COL8A1: variants seen among roughly 807,000 people sequenced by gnomAD.
The protein encoded by COL8A1 is collagen alpha-1(VIII) chain.
A neutral mutation model predicts 42.7 loss-of-function variants in COL8A1; 21 were observed. The ratio of observed to expected loss-of-function variants is 0.49; its 90% CI spans 0.35 to 0.71. The LOEUF is 0.71. Ranked by LOEUF, COL8A1 falls within the 30% of genes least tolerant of loss-of-function variation. The pLI, the probability that COL8A1 is intolerant of heterozygous loss-of-function variation, is 0.01. For synonymous variants in COL8A1, 367 were observed against 369.1 expected, an observed-to-expected ratio of 0.99 and a Z score of 0.06; for missense variants, 788 against 962.4, an observed-to-expected ratio of 0.82 and a Z score of 2.40.
chr3:99,707,969 G>A (rs1242209274), intron 1 of COL8A1, among the ~76,000 whole-genome samples: 1 of 152,002 alleles, frequency 6.6e-6, no homozygotes, highest in South Asian at 2.1e-4. Flanking sequence ...AAATCACACA[G>A]CCACTAAGTG....
At chr3:99,779,704 C>T (rs538807408) in intron 2 of COL8A1, among the ~76,000 whole-genome samples, 5 of 152,162 alleles carry the variant, frequency 3.3e-5, no homozygotes, top group African/African-American at 2.4e-5. Context: ...CTGTCTTTAC[C>T]TTGCCTTTCT....
chr3:99,783,710 G>C (rs1268222750), intron 2 of COL8A1, among the ~76,000 whole-genome samples: 3 of 152,246 alleles, frequency 2.0e-5, no homozygotes, highest in Non-Finnish European at 4.4e-5. Flanking sequence ...TTCTTCACAA[G>C]GTAGCAGGAG....
intron 1 of COL8A1, among the ~76,000 whole-genome samples, chr3:99,662,809 T>C (rs1361056353): frequency 2.0e-5 from 3 of 152,106 alleles, no homozygotes; most frequent in South Asian, 2.1e-4. Flanking sequence ...ATCACCCCAA[T>C]CTCTGCCTTC....
chr3:99,711,478 A>T (rs992705663), intron 1 of COL8A1, among the ~76,000 whole-genome samples: 1 of 152,126 alleles, frequency 6.6e-6, no homozygotes, highest in African/African-American at 2.4e-5. Context: ...ATTCTTTTGC[A>T]CATCTGCAAA....
Position 99,794,826 on chromosome 3 carries a change from C to T in COL8A1, c.925C>T (p.Pro309Ser), listed in dbSNP as rs760565617. ...TATTGGGGTACCGGGGGTTCAAGGACCTCCTGGGATACCCGGAATTGGAAA... is the reference window on the plus strand; with the variant it reads ...TATTGGGGTACCGGGGGTTCAAGGATCTCCTGGGATACCCGGAATTGGAAA... ...GPIGVPGVQG[P>S]PGIPGIGKPG... Residue 309 changes from proline (P) to serine (S), a missense_variant, in exon 4 of 4, where the codon CCT becomes TCT. Physicochemically the swap from Pro to Ser is moderately conservative, Grantham distance 74 (BLOSUM62 -1). This residue lies in a region of COL8A1 where 421 missense variants were observed against 553.1 expected (regional missense o/e 0.76). Transcript: ENST00000652472. This position sits in a 1 kb window ranked among gnomAD's most constrained non-coding sequence, Gnocchi z 4.3. 1 of 1,612,140 alleles carries T rather than the reference C, an allele frequency of 6.2e-7. No homozygotes were observed. The highest frequency in any genetic ancestry group is 8.5e-7 in the Non-Finnish European group (1 of 1,179,088).
intron 1 of COL8A1, among the ~76,000 whole-genome samples, chr3:99,696,928 G>A (rs920230000): frequency 2.8e-5 from 4 of 141,274 alleles, no homozygotes; most frequent in Admixed American, 2.8e-4. Flanking sequence ...AAAATAACTT[G>A]TTGTAATTTA....
chr3:99,741,630 G>C (rs1940902116), intron 1 of COL8A1, among the ~76,000 whole-genome samples: 1 of 152,186 alleles, frequency 6.6e-6, no homozygotes, highest in African/African-American at 2.4e-5. Flanking sequence ...AGTGATAAAA[G>C]GAAGGCTGAG....
At chr3:99,659,295 G>A (rs1350293606) in intron 1 of COL8A1, among the ~76,000 whole-genome samples, 1 of 152,128 alleles carries the variant, frequency 6.6e-6, no homozygotes, top group African/African-American at 2.4e-5. Context: ...GTGCTTTCAC[G>A]GCACATTAGT....
At chr3:99,737,652 C>T (rs1397833282) in intron 1 of COL8A1, among the ~76,000 whole-genome samples, 1 of 151,858 alleles carries the variant, frequency 6.6e-6, no homozygotes, top group African/African-American at 2.4e-5. Flanking sequence ...CTCTGGCTGC[C>T]CTTAACATTT....
intron 2 of COL8A1, among the ~76,000 whole-genome samples, chr3:99,750,679 T>C (rs1017017052): frequency 2.6e-5 from 4 of 152,160 alleles, no homozygotes; most frequent in African/African-American, 9.7e-5. Context: ...TGATTCAAGA[T>C]AAAGCAACCT....
chr3:99,667,596 C>T (rs1397254657), intron 1 of COL8A1, among the ~76,000 whole-genome samples: 4 of 152,104 alleles, frequency 2.6e-5, no homozygotes, highest in African/African-American at 9.7e-5. Flanking sequence ...AATTTGATCA[C>T]TTTTTCCTGT....
At chr3:99,741,878 G>A (rs1426503174) in intron 1 of COL8A1, among the ~76,000 whole-genome samples, 1 of 152,178 alleles carries the variant, frequency 6.6e-6, no homozygotes, top group Non-Finnish European at 1.5e-5. Flanking sequence ...ACACAGAGGA[G>A]AAACAAAGAA....
intron 1 of COL8A1, among the ~76,000 whole-genome samples, chr3:99,724,103 G>T (rs1940234371): frequency 6.6e-6 from 1 of 152,108 alleles, no homozygotes; most frequent in African/African-American, 2.4e-5. Flanking sequence ...GACACCATGT[G>T]ACCGTCCTTG....
chr3:99,682,136 C>T (rs772044052), intron 1 of COL8A1, among the ~76,000 whole-genome samples: 16 of 152,112 alleles, frequency 1.1e-4, no homozygotes, highest in East Asian at 1.9e-4. Flanking sequence ...AAGTGCCGGC[C>T]GGGTTCGGTG....
At chr3:99,658,806 AAGAC>A (rs1938111090) in intron 1 of COL8A1, among the ~76,000 whole-genome samples, 1 of 152,336 alleles carries the variant, frequency 6.6e-6, no homozygotes, top group East Asian at 1.9e-4. Context: ...GAACAAATCT[AAGAC>A]AGGCCCTTAG....
Position 99,790,604 on chromosome 3 carries a change from A to G in COL8A1, c.-3-76A>G. On this transcript the variant is annotated intron_variant, in intron 2 of 3. Transcript: ENST00000652472. ...AAGACTGTTTCCCTTTTTTTTCCCC[A>G]TTCTATCTCTAAATAAACTCAAGTC... The G allele has an allele frequency of 8.3e-6, 10 of 1,203,608 alleles. 1 individual carries two copies. The highest frequency in any genetic ancestry group is 1.2e-5 in the Non-Finnish European group (10 of 854,498). The allele number at this position is 1,203,608 out of a possible 1,614,324, so 74.6% of individuals were successfully genotyped here. A position where few individuals can be genotyped will look rare whatever the true frequency, so the allele number is the denominator to read the frequency against.
chr3:99,679,723 T>A (rs1232256714), intron 1 of COL8A1: 2 of 152,212 alleles, frequency 1.3e-5, no homozygotes, highest in Non-Finnish European at 2.9e-5. Flanking sequence ...AGAACTATTC[T>A]AGTCTTTTTG....
intron 1 of COL8A1, among the ~76,000 whole-genome samples, chr3:99,729,673 G>A (rs1940444403): frequency 6.6e-6 from 1 of 151,868 alleles, no homozygotes; most frequent in South Asian, 2.1e-4. Context: ...AGTTTTATGA[G>A]ACTCTACAAC....
rs142500587 is a variant in COL8A1 at position 99,741,037 on chromosome 3, G to A, written c.-128-3860G>A. On this transcript the variant is annotated intron_variant, in intron 1 of 3. Coordinates refer to ENST00000652472, the MANE Select transcript of COL8A1 (RefSeq NM_020351.4). ...AATATAAATATTTTTAAAACTCTGGGTATATAATGTCAATTTATTTTCCAG... is the reference window on the plus strand; with the variant it reads ...AATATAAATATTTTTAAAACTCTGGATATATAATGTCAATTTATTTTCCAG... Among the ~76,000 whole-genome samples the A allele has an allele frequency of 3.2e-4, 48 of 151,932 alleles. No homozygotes were observed. The East Asian group carries it at 9.3e-3, about 29-fold the overall frequency.
Sources: allele counts gnomAD v4.1 joint callset (sites outside exome capture counted in the v4.1 genomes callset), GRCh38; gene constraint gnomAD v4.1.1; regional missense constraint gnomAD v4.1.1; non-coding constraint Gnocchi (gnomAD v3.1); transcripts MANE v1.5; gene names NCBI Gene and HGNC (gene_info 2026-07-23, HGNC 2026-07-21).